CDC25C: variants seen among roughly 807,000 people sequenced by gnomAD.
CDC25C encodes the protein M-phase inducer phosphatase 3.
CDC25C carries 48 observed loss-of-function variants against 52.5 expected under a neutral mutation model. That is an observed-to-expected ratio of 0.91 (90% CI 0.72 to 1.16). The LOEUF (loss-of-function observed/expected upper bound fraction) is 1.16, where lower values mean the gene tolerates loss of function less well. CDC25C is among the 50% of genes most tolerant of loss of function. CDC25C has a pLI of 0.00. For missense variants in CDC25C, 510 were observed against 566.1 expected (o/e 0.90, Z 1.01); for synonymous variants, 187 against 206.5 (o/e 0.91, Z 0.81).
rs751226524 is a variant in CDC25C, at chr5:138,289,578, G to A, written c.865-15C>T. The A allele has an allele frequency of 3.7e-6, 6 of 1,607,564 alleles. No homozygotes were observed. In the Admixed American group the frequency reaches 5.0e-5, roughly 13 times the overall value. On this transcript the variant is annotated splice_polypyrimidine_tract_variant and intron_variant, in intron 9 of 13. Transcript: ENST00000323760. ...AGCGCACATACCTAGAAATACACAA[G>A]AGCTGAAATAACAGCAAGTATTCCA...
chr5:138,291,403 T>C (rs1026031145), intron 8 of CDC25C, among the ~76,000 whole-genome samples: 1 of 151,862 alleles, frequency 6.6e-6, no homozygotes, highest in Middle Eastern at 3.2e-3. Context: ...GAAGACGGTA[T>C]GATGACAACA....
Position 138,286,228 on chromosome 5 carries a change from T to C in CDC25C, c.1161-95A>G. On this transcript the variant is annotated intron_variant, in intron 12 of 13. Coordinates refer to ENST00000323760, the MANE Select transcript of CDC25C (RefSeq NM_001790.5). ...GGGAGGGGGGAGAGGAGTAGACTAT[T>C]GCCAACCTCAAAAAGGACTTTCCAA... 4 of 982,550 alleles carry C rather than the reference T, an allele frequency of 4.1e-6. No individual in the cohort carries two copies. In the Admixed American group the frequency reaches 9.4e-5, roughly 23 times the overall value. 60.9% of individuals were successfully genotyped at this position (982,550 alleles called of 1,614,324 possible).
chr5:138,323,957 CAA>C (rs774091050), intron 6 of CDC25C, among the ~76,000 whole-genome samples: 2 of 105,550 alleles, frequency 1.9e-5, no homozygotes, highest in African/African-American at 4.1e-5. Context: ...GATTCCATCT[CAA>C]AAAAAAAAAA....
At chr5:138,323,482 G>T (rs548654276) in intron 6 of CDC25C, among the ~76,000 whole-genome samples, 1 of 151,598 alleles carries the variant, frequency 6.6e-6, no homozygotes, top group African/African-American at 2.4e-5. Context: ...TTTTTGGTTG[G>T]GGGGTGGGGT....
chr5:138,325,744 A>G, intron 6 of CDC25C, 71 bp downstream of exon 6: 3 of 1,027,924 alleles, frequency 2.9e-6, no homozygotes, highest in South Asian at 2.6e-5. Context: ...TCTATGTCTC[A>G]TTATGATACC....
In CDC25C at chr5:138,286,592, GTTAAACAGTTCTT is replaced by G; in HGVS notation, c.1052_1064del (p.Glu351AlafsTer4). The G allele has an allele frequency of 6.2e-7, 1 of 1,613,512 alleles. No homozygotes were observed. Among genetic ancestry groups the G allele is most frequent in the Non-Finnish European group, 8.5e-7 (1 of 1,179,482 alleles). ...GGACGATGGGCTTCTTCAGAAAGAA[GTTAAACAGTTCTT>G]CCTGACTATATAAGTTTAAGGCTCC... is the stretch of plus-strand genomic sequence containing the variant. On this transcript the variant is annotated frameshift_variant, in exon 12 of 14. Transcript: ENST00000323760. LOFTEE classifies it high-confidence loss of function.
intron 12 of CDC25C, among the ~76,000 whole-genome samples, 173 bp from the exon 13 acceptor site, chr5:138,286,306 C>T (rs1300804778): frequency 6.6e-6 from 1 of 152,180 alleles, no homozygotes; most frequent in Non-Finnish European, 1.5e-5. Context: ...TCCTCCTTTC[C>T]TCCACTGCAG....
chr5:138,290,257 T>G (rs1297711067), intron 9 of CDC25C, among the ~76,000 whole-genome samples: 4 of 152,128 alleles, frequency 2.6e-5, no homozygotes, highest in African/African-American at 9.7e-5. Context: ...ATGTACCTTC[T>G]GCAATTACAC....
Position 138,286,009 on chromosome 5 carries a change from C to A in CDC25C, c.1272+13G>T. ...TTGTTAAAGTTTGGCTCCCCGCATG[C>A]CCCACCCTTTACCATATATTCTGGA... is the stretch of plus-strand genomic sequence containing the variant. On this transcript the variant is annotated intron_variant, in intron 13 of 13. Transcript: ENST00000323760. 1 of 1,597,870 alleles carries A rather than the reference C, an allele frequency of 6.3e-7. No homozygotes were observed. The highest frequency in any genetic ancestry group is 8.6e-7 in the Non-Finnish European group (1 of 1,165,606).
At chr5:138,337,735 C>A in intron 1 of CDC25C, 1 of 344,384 alleles carries the variant, frequency 2.9e-6, no homozygotes. Context: ...TCCGAGCAGG[C>A]CCTAATCCGC....
intron 7 of CDC25C, among the ~76,000 whole-genome samples, chr5:138,311,105 G>A (rs1758418097): frequency 6.6e-6 from 1 of 152,112 alleles, no homozygotes; most frequent in East Asian, 1.9e-4. Context: ...TCAACAATTA[G>A]TGGTGGGACA....
chr5:138,320,055 C>T (rs1477248957), intron 6 of CDC25C, among the ~76,000 whole-genome samples: 1 of 152,168 alleles, frequency 6.6e-6, no homozygotes, highest in Non-Finnish European at 1.5e-5. Flanking sequence ...GCCTGTAATC[C>T]CAGTACTTCG....
intron 7 of CDC25C, among the ~76,000 whole-genome samples, chr5:138,301,664 A>G (rs1757633215): frequency 6.6e-6 from 1 of 150,452 alleles, no homozygotes; most frequent in African/African-American, 2.4e-5. Flanking sequence ...CTGAAGATCA[A>G]TATCTCTCAT....
At chr5:138,294,450 A>G (rs1402221635) in intron 7 of CDC25C, among the ~76,000 whole-genome samples, 1 of 148,122 alleles carries the variant, frequency 6.8e-6, no homozygotes, top group Non-Finnish European at 1.5e-5. Flanking sequence ...TCAGCCTCCC[A>G]AAGTTCTGGG....
At chr5:138,294,273 C>A (rs1757000749) in intron 7 of CDC25C, among the ~76,000 whole-genome samples, 1 of 150,062 alleles carries the variant, frequency 6.7e-6, no homozygotes, top group Non-Finnish European at 1.5e-5. Flanking sequence ...CTCATTGCAA[C>A]CTCTACCTCC....
chr5:138,309,215 A>G (rs1758252380), intron 7 of CDC25C, among the ~76,000 whole-genome samples: 1 of 141,854 alleles, frequency 7.0e-6, no homozygotes. Context: ...CTCTCAACAA[A>G]CTGGTATTAA....
At chr5:138,303,491 C>A (rs1044669130) in intron 7 of CDC25C, among the ~76,000 whole-genome samples, 1 of 152,196 alleles carries the variant, frequency 6.6e-6, no homozygotes, top group Admixed American at 6.5e-5. Context: ...CTTGCTCCCT[C>A]CGCTTCAGCC....
chr5:138,315,636 T>C (rs1758817410), intron 7 of CDC25C, among the ~76,000 whole-genome samples: 1 of 152,244 alleles, frequency 6.6e-6, no homozygotes. Context: ...CTGCTTTTAA[T>C]ATTTTATTTA....
At chr5:138,298,919 G>A (rs549191105) in intron 7 of CDC25C, among the ~76,000 whole-genome samples, 1 of 152,068 alleles carries the variant, frequency 6.6e-6, no homozygotes, top group East Asian at 1.9e-4. Flanking sequence ...TAGGCCAGGT[G>A]TGGTGGCTCA....
Sources: allele counts gnomAD v4.1 joint callset (sites outside exome capture counted in the v4.1 genomes callset), GRCh38; gene constraint gnomAD v4.1.1; transcripts MANE v1.5; gene names NCBI Gene and HGNC (gene_info 2026-07-23, HGNC 2026-07-21).